The following PCYT1A variants were observed in gnomAD, a reference collection of about 807,000 sequenced individuals.
The protein encoded by PCYT1A is phosphate cytidylyltransferase 1A, choline.
Under a neutral mutation model 43.7 loss-of-function variants are expected in PCYT1A, and 25 were observed. That is an observed-to-expected ratio of 0.57 (90% CI 0.42 to 0.80). PCYT1A has a LOEUF of 0.80. Ranked by LOEUF, PCYT1A falls within the 30% of genes least tolerant of loss-of-function variation. The pLI is 0.00. For synonymous variants in PCYT1A, 172 were observed against 170.7 expected (o/e 1.01, Z -0.06); for missense variants, 421 against 474.2 (o/e 0.89, Z 1.04).
rs998223491 is a variant in PCYT1A, at chr3:196,242,172, C to T, written c.566-82G>A. 1.0e-5 allele frequency: 14 copies of T among 1,350,396 alleles called. No individual in the cohort carries two copies. The African/African-American group carries it at 1.9e-4, about 18-fold the overall frequency. The allele number at this position is 1,350,396 out of a possible 1,614,324, so 83.7% of individuals were successfully genotyped here. On this transcript the variant is annotated intron_variant, in intron 6 of 8. Transcript: ENST00000431016. The surrounding 1 kb of genome is among the most constrained non-coding windows in gnomAD (Gnocchi z 4.2). Reference sequence around the variant, plus strand: ...AAGACTAAATGGAAATTGGGGGCAACATTCCTTTCCTTTCCTCAAAAAGCA... The same window carrying T: ...AAGACTAAATGGAAATTGGGGGCAATATTCCTTTCCTTTCCTCAAAAAGCA...
In PCYT1A at chr3:196,272,707, C is replaced by G. The variant is rs545958761; in HGVS notation, c.-10-2166G>C. 7.9e-5 allele frequency among the ~76,000 whole-genome samples: 12 copies of G among 152,358 alleles called. No individual in the cohort carries two copies. In the South Asian group the frequency reaches 1.4e-3, roughly 18 times the overall value. On this transcript the variant is annotated intron_variant, in intron 1 of 8. Transcript: ENST00000431016. ...TGTTCACAGTTTCCAGCTATTAAAA[C>G]CCCCTCAGGGATTCTCCTTCCCCCA...
chr3:196,242,703 G>T lies in PCYT1A; in HGVS notation c.487-63C>A. The T allele has an allele frequency of 9.1e-7, 1 of 1,103,652 alleles. No individual in the cohort carries two copies. The highest frequency in any genetic ancestry group is 1.5e-5 in the African/African-American group (1 of 65,374). 68.4% of individuals were successfully genotyped at this position (1,103,652 alleles called of 1,614,324 possible). ...TGCCATTCAGAAAGACCCAGTCAAT[G>T]TTCTCAGGCCCAGAAAAAGGACAAT... On this transcript the variant is annotated intron_variant, in intron 5 of 8. Transcript: ENST00000431016. The surrounding 1 kb of genome is among the most constrained non-coding windows in gnomAD (Gnocchi z 4.2).
At chr3:196,281,747 G>T (rs1341482566) in intron 1 of PCYT1A, among the ~76,000 whole-genome samples, 1 of 152,212 alleles carries the variant, frequency 6.6e-6, no homozygotes, top group Middle Eastern at 3.4e-3. Flanking sequence ...GAATTATTTC[G>T]AGTACAGTGG....
At chr3:196,262,210 A>G (rs1251460722) in intron 2 of PCYT1A, among the ~76,000 whole-genome samples, 1 of 152,162 alleles carries the variant, frequency 6.6e-6, no homozygotes, top group Non-Finnish European at 1.5e-5. Flanking sequence ...ATGAAAGAAC[A>G]TGGGGTTAGG....
chr3:196,247,389 G>A lies in PCYT1A; in HGVS notation c.464C>T (p.Pro155Leu), dbSNP rs1293887137. ...TACCCGGTGTTCGGCCAGGAACTCG[G>A]GTGTCAGCGTCCAGGGCGCATTCCT... ...VVRNAPWTLT[P>L]EFLAEHRIDF... The change falls in exon 5 of 9, where the codon CCC becomes CTC. Residue 155 changes from proline (P) to leucine (L), a missense_variant. Physicochemically the swap from Pro to Leu is moderately conservative, Grantham distance 98. Around this residue, in one of 3 missense-constraint regions of PCYT1A, gnomAD observed 174 missense variants for 270.7 expected, o/e 0.64. Transcript: ENST00000431016. This position sits in a 1 kb window ranked among gnomAD's most constrained non-coding sequence, Gnocchi z 4.8. The A allele has an allele frequency of 6.2e-7, 1 of 1,614,020 alleles. No individual in the cohort carries two copies. The highest frequency in any genetic ancestry group is 1.7e-5 in the Admixed American group (1 of 60,004).
At chr3:196,246,998 G>C (rs1048927636) in intron 5 of PCYT1A, among the ~76,000 whole-genome samples, 2 of 151,848 alleles carry the variant, frequency 1.3e-5, no homozygotes, top group Admixed American at 6.6e-5. Context: ...TCAGTTCCCA[G>C]CCCTGCCAGT....
chr3:196,259,836 C>A (rs1725055044), intron 2 of PCYT1A, among the ~76,000 whole-genome samples: 1 of 126,920 alleles, frequency 7.9e-6, no homozygotes, highest in Admixed American at 8.6e-5. Context: ...CAGAGCAAGA[C>A]CCTGTCTCAA....
At chr3:196,283,546 C>T (rs1223721690) in intron 1 of PCYT1A, 4 of 151,944 alleles carry the variant, frequency 2.6e-5, no homozygotes, top group African/African-American at 7.3e-5. Context: ...ATGCTGCAAA[C>T]GTAAAAAGGT....
In PCYT1A at chr3:196,282,574, A is replaced by G. The variant is rs1725799585; in HGVS notation, c.-11+5041T>C. Among the ~76,000 whole-genome samples, 1 of 152,228 alleles carries G rather than the reference A, an allele frequency of 6.6e-6. No individual in the cohort carries two copies. Among genetic ancestry groups the G allele is most frequent in the Admixed American group, 6.5e-5 (1 of 15,284 alleles). The stretch of plus-strand genomic sequence containing the variant: ...TAGAAATCATGGATATTTTCATACC[A>G]TATCATACTTCTTAAATTTTGATAA... On this transcript the variant is annotated intron_variant, in intron 1 of 8. Transcript: ENST00000431016. This position sits in a 1 kb window ranked among gnomAD's most constrained non-coding sequence, Gnocchi z 4.3.
At chr3:196,279,086 G>A (rs1196154380) in intron 1 of PCYT1A, among the ~76,000 whole-genome samples, 5 of 147,746 alleles carry the variant, frequency 3.4e-5, no homozygotes, top group Non-Finnish European at 6.0e-5. Flanking sequence ...TCAGGAGTTC[G>A]AGACCAGCCT....
Position 196,278,451 on chromosome 3 carries a change from T to C in PCYT1A, c.-10-7910A>G, listed in dbSNP as rs183056251. 3.1e-3 allele frequency among the ~76,000 whole-genome samples: 479 copies of C among 152,274 alleles called. 2 individuals are homozygous for C. Among genetic ancestry groups the C allele is most frequent in the African/African-American group, 0.01 (433 of 41,542 alleles). ...ACACAGGCTGCCTTAATATCCCTGT[T>C]TGTCCAGCGGGCAATGGGACTGGGA... is the stretch of plus-strand genomic sequence containing the variant. On this transcript the variant is annotated intron_variant, in intron 1 of 8. Coordinates refer to ENST00000431016, the MANE Select transcript of PCYT1A (RefSeq NM_001312673.2).
rs1724192521 is a variant in PCYT1A, at chr3:196,237,226, CCA to C, written c.*1460_*1461del. 6.6e-6 allele frequency: 1 copy of C among 152,340 alleles called. No individual in the cohort carries two copies. The highest frequency in any genetic ancestry group is 1.9e-4 in the East Asian group (1 of 5,184). The allele number at this position is 152,340 out of a possible 1,614,324, so 9.4% of individuals were successfully genotyped here. A position where few individuals can be genotyped will look rare whatever the true frequency, so the allele number is the denominator to read the frequency against. ...ATAAGCAATTTTCCCCTGGATCTAG[CCA>C]CAGGATTACTGATGGGTGATGATCT... is the stretch of plus-strand genomic sequence containing the variant. On this transcript the variant is annotated 3_prime_UTR_variant, in exon 9 of 9. Transcript: ENST00000431016.
At chr3:196,283,861 T>A (rs1168096263) in intron 1 of PCYT1A, among the ~76,000 whole-genome samples, 1 of 152,206 alleles carries the variant, frequency 6.6e-6, no homozygotes, top group Non-Finnish European at 1.5e-5. Context: ...TTTTCTAATA[T>A]GCTTGATGTG....
chr3:196,263,963 A>G (rs182479509), intron 2 of PCYT1A, among the ~76,000 whole-genome samples: 1 of 152,248 alleles, frequency 6.6e-6, no homozygotes, highest in East Asian at 1.9e-4. Flanking sequence ...AAGAAAAGCA[A>G]TCATTCTCCC....
At chr3:196,248,094 C>T (rs1421357199) in intron 4 of PCYT1A, 113 bp downstream of exon 4, 2 of 716,420 alleles carry the variant, frequency 2.8e-6, no homozygotes, top group Non-Finnish European at 5.1e-6. Context: ...AGAGGCTGTA[C>T]TACATCCTTC....
intron 1 of PCYT1A, among the ~76,000 whole-genome samples, chr3:196,274,015 G>A (rs528547235): frequency 6.6e-6 from 1 of 152,258 alleles, no homozygotes; most frequent in Non-Finnish European, 1.5e-5. Flanking sequence ...CTCCTGTGCT[G>A]CTGGACACCC....
intron 3 of PCYT1A, among the ~76,000 whole-genome samples, chr3:196,253,711 C>A (rs1724869972): frequency 1.3e-5 from 2 of 152,146 alleles, no homozygotes; most frequent in Non-Finnish European, 2.9e-5. Flanking sequence ...AACATCTCAA[C>A]TGGCCACCAT....
intron 3 of PCYT1A, among the ~76,000 whole-genome samples, chr3:196,256,203 C>T (rs1724945452): frequency 6.6e-6 from 1 of 152,152 alleles, no homozygotes; most frequent in Admixed American, 6.5e-5. Context: ...GTTAAAATTC[C>T]CGGCATTGGC....
intron 7 of PCYT1A, 121 bp downstream of exon 7, chr3:196,241,827 T>A: frequency 7.9e-7 from 1 of 1,264,818 alleles, no homozygotes; most frequent in Non-Finnish European, 1.1e-6. Context: ...TGGTAATTCA[T>A]TCACTGAACT....
Sources: allele counts gnomAD v4.1 joint callset (sites outside exome capture counted in the v4.1 genomes callset), GRCh38; gene constraint gnomAD v4.1.1; regional missense constraint gnomAD v4.1.1; non-coding constraint Gnocchi (gnomAD v3.1); transcripts MANE v1.5; gene names NCBI Gene and HGNC (gene_info 2026-07-23, HGNC 2026-07-21).